The following CHURC1 variants were observed in gnomAD, a reference collection of about 807,000 sequenced individuals.
CHURC1 encodes protein Churchill.
CHURC1 carries 12 observed loss-of-function variants against 15.4 expected under a neutral mutation model. That is an observed-to-expected ratio of 0.78 (90% CI 0.50 to 1.27). The LOEUF (loss-of-function observed/expected upper bound fraction) is 1.27, where lower values mean the gene tolerates loss of function less well. Among genes scored for constraint, CHURC1 ranks in the 50% most tolerant of loss-of-function variants. The pLI is 0.00. For missense variants in CHURC1, 132 were observed against 137.8 expected (o/e 0.96, Z 0.21); for synonymous variants, 42 against 47.5 (o/e 0.88, Z 0.48).
At chr14:64,917,027 G>A (rs900432594) in intron 1 of CHURC1, among the ~76,000 whole-genome samples, 2 of 152,180 alleles carry the variant, frequency 1.3e-5, no homozygotes, top group Non-Finnish European at 2.9e-5. Flanking sequence ...GAATCTTATG[G>A]CTGAATGTTG....
intron 1 of CHURC1, among the ~76,000 whole-genome samples, chr14:64,919,803 G>A (rs1323437349): frequency 6.6e-6 from 1 of 151,916 alleles, no homozygotes; most frequent in Non-Finnish European, 1.5e-5. Flanking sequence ...ACAATCACTT[G>A]AACCCAGGAG....
In CHURC1 at chr14:64,934,758, T is replaced by C. The variant is rs974808923; in HGVS notation, c.*2528T>C. ...GTCCCTTCCTTGAGTTTGCTAATGC[T>C]TCCAACTTAGTCATTTGAAGCCCAA... On this transcript the variant is annotated 3_prime_UTR_variant, in exon 4 of 4. Coordinates refer to ENST00000549115, the MANE Select transcript of CHURC1 (RefSeq NM_001386928.1). 4.1e-6 allele frequency: 4 copies of C among 985,352 alleles called. No individual in the cohort carries two copies. The highest frequency in any genetic ancestry group is 4.8e-6 in the Non-Finnish European group (4 of 829,952). The allele number at this position is 985,352 out of a possible 1,614,324, so 61.0% of individuals were successfully genotyped here. A position where few individuals can be genotyped will look rare whatever the true frequency, so the allele number is the denominator to read the frequency against.
Position 64,933,495 on chromosome 14 carries a change from A to G in CHURC1, c.*1265A>G. The G allele has an allele frequency of 1.0e-6, 1 of 984,910 alleles. No individual in the cohort carries two copies. The highest frequency in any genetic ancestry group is 1.2e-6 in the Non-Finnish European group (1 of 829,412). The allele number at this position is 984,910 out of a possible 1,614,324, so 61.0% of individuals were successfully genotyped here. A position where few individuals can be genotyped will look rare whatever the true frequency, so the allele number is the denominator to read the frequency against. On this transcript the variant is annotated 3_prime_UTR_variant, in exon 4 of 4. Transcript: ENST00000549115. ...CCATTTAGTAGCAGTATAGTCATTAAGCAAAGCATTACTCTGGACTTTATT... is the reference window on the plus strand; with the variant it reads ...CCATTTAGTAGCAGTATAGTCATTAGGCAAAGCATTACTCTGGACTTTATT...
chr14:64,935,363 G>T lies in CHURC1; in HGVS notation c.*3133G>T. ...AATAAAATAAAAAAAAAGGAATTAG[G>T]CAAAACATGGCTCTTCTTTTTACTT... On this transcript the variant is annotated 3_prime_UTR_variant, in exon 4 of 4. Transcript: ENST00000549115. The T allele has an allele frequency of 1.0e-6, 1 of 971,640 alleles. No homozygotes were observed. Among genetic ancestry groups the T allele is most frequent in the Non-Finnish European group, 1.2e-6 (1 of 817,502 alleles). 60.2% of individuals were successfully genotyped at this position (971,640 alleles called of 1,614,324 possible). A position where few individuals can be genotyped will look rare whatever the true frequency, so the allele number is the denominator to read the frequency against.
At chr14:64,918,169 C>T (rs1474697839) in intron 1 of CHURC1, among the ~76,000 whole-genome samples, 1 of 152,178 alleles carries the variant, frequency 6.6e-6, no homozygotes, top group Non-Finnish European at 1.5e-5. Flanking sequence ...GAGTGCCTTT[C>T]AAAGGCACTT....
chr14:64,914,543 C>G lies in CHURC1; in HGVS notation c.39+9C>G. On this transcript the variant is annotated intron_variant, in intron 1 of 3. Coordinates refer to ENST00000549115, the MANE Select transcript of CHURC1 (RefSeq NM_001386928.1). ...AGGAATATCCCAACCGGGTGAGCGA[C>G]TGGGCGCTCCCTTGGCCCGCGGGCG... The G allele has an allele frequency of 6.2e-7, 1 of 1,614,216 alleles. No homozygotes were observed. The highest frequency in any genetic ancestry group is 8.5e-7 in the Non-Finnish European group (1 of 1,180,016).
intron 1 of CHURC1, among the ~76,000 whole-genome samples, chr14:64,916,531 G>T (rs1248413747): frequency 6.6e-6 from 1 of 152,082 alleles, no homozygotes; most frequent in African/African-American, 2.4e-5. Context: ...CATGAGGGAG[G>T]AGTTTGCAGT....
intron 3 of CHURC1, among the ~76,000 whole-genome samples, chr14:64,929,942 C>G (rs1372748822): frequency 6.8e-6 from 1 of 147,748 alleles, no homozygotes; most frequent in Non-Finnish European, 1.5e-5. Context: ...AGCAAAAGCC[C>G]CCCCCCACAC....
At chr14:64,918,356 C>T (rs1884034940) in intron 1 of CHURC1, among the ~76,000 whole-genome samples, 1 of 152,178 alleles carries the variant, frequency 6.6e-6, no homozygotes, top group South Asian at 2.1e-4. Flanking sequence ...ATGAGTAACT[C>T]TTAAAGGAAT....
chr14:64,930,794 TA>T, intron 3 of CHURC1: 1 of 451,558 alleles, frequency 2.2e-6, no homozygotes, highest in Non-Finnish European at 4.4e-6. Context: ...TCTTTTCCTG[TA>T]AAAGGTTGCC....
intron 2 of CHURC1, chr14:64,924,340 C>T (rs757784053): frequency 4.3e-5 from 19 of 444,474 alleles, no homozygotes; most frequent in Non-Finnish European, 5.9e-5. Flanking sequence ...CTAAAGCTTA[C>T]GATTCAGGAA....
intron 3 of CHURC1, chr14:64,930,923 C>T (rs1457850138): frequency 4.5e-6 from 2 of 444,588 alleles, no homozygotes; most frequent in Non-Finnish European, 9.0e-6. Context: ...TTTCCACTGC[C>T]ACAACTAAGC....
chr14:64,924,102 G>A lies in CHURC1; in HGVS notation c.151G>A (p.Gly51Arg). The A allele has an allele frequency of 6.2e-7, 1 of 1,608,468 alleles. No homozygotes were observed. Among genetic ancestry groups the A allele is most frequent in the Non-Finnish European group, 8.5e-7 (1 of 1,176,998 alleles). Residue 51 changes from glycine to arginine, a missense_variant, in exon 2 of 4, where the codon GGA (glycine) becomes AGA (arginine). Physicochemically the swap from Gly to Arg is moderately radical, Grantham distance 125 (BLOSUM62 -2). Transcript: ENST00000549115. ...ITNKSLKEED[G>R]EEIVTYDHLC... ...AAACAAATCCTTGAAAGAAGAAGAT[G>A]GAGAAGAAATAGTTACCTATGATCG...
rs1885279197 is a variant in CHURC1, at chr14:64,935,325, A to C, written c.*3095A>C. On this transcript the variant is annotated 3_prime_UTR_variant, in exon 4 of 4. Coordinates refer to ENST00000549115, the MANE Select transcript of CHURC1 (RefSeq NM_001386928.1). ...ATCGTGCACATGTACCCTAAAACTT[A>C]AAGTATAATAATAATAAAATAAAAA... 1 of 826,460 alleles carries C rather than the reference A, an allele frequency of 1.2e-6. No homozygotes were observed. The highest frequency in any genetic ancestry group is 5.6e-5 in the South Asian group (1 of 17,978). 51.2% of individuals were successfully genotyped at this position (826,460 alleles called of 1,614,324 possible).
intron 2 of CHURC1, 149 bp downstream of exon 2, chr14:64,924,275 A>G (rs1884527299): frequency 2.3e-6 from 2 of 885,802 alleles, no homozygotes; most frequent in African/African-American, 3.5e-5. Flanking sequence ...AATGTCATTA[A>G]CACCTCATTT....
At chr14:64,927,851 T>G (rs1379402440) in intron 3 of CHURC1, among the ~76,000 whole-genome samples, 2 of 151,924 alleles carry the variant, frequency 1.3e-5, no homozygotes, top group African/African-American at 4.8e-5. Flanking sequence ...CAGGAGAATC[T>G]CTTGAGTCCA....
intron 1 of CHURC1, among the ~76,000 whole-genome samples, chr14:64,918,294 G>T (rs1321719287): frequency 6.6e-6 from 1 of 152,132 alleles, no homozygotes; most frequent in African/African-American, 2.4e-5. Context: ...TGGATGTTAC[G>T]GGTCTTAGAC....
intron 1 of CHURC1, among the ~76,000 whole-genome samples, 183 bp downstream of exon 1, chr14:64,914,717 C>T (rs922415817): frequency 5.3e-5 from 8 of 152,226 alleles, no homozygotes; most frequent in Middle Eastern, 3.2e-3. Flanking sequence ...CTGGTACCCG[C>T]CCTGGCGGCT....
At position 64,934,502 on chromosome 14, in the gene CHURC1, G is replaced by A; in HGVS notation, c.*2272G>A. ...GGTTAGGAAGAGGTTAAGAATATCA[G>A]TGACAGTACTCTGAGGCATCTGGGC... On this transcript the variant is annotated 3_prime_UTR_variant, in exon 4 of 4. Coordinates refer to ENST00000549115, the MANE Select transcript of CHURC1 (RefSeq NM_001386928.1). 1 of 985,410 alleles carries A rather than the reference G, an allele frequency of 1.0e-6. No homozygotes were observed. The highest frequency in any genetic ancestry group is 1.2e-6 in the Non-Finnish European group (1 of 829,902). 61.0% of individuals were successfully genotyped at this position (985,410 alleles called of 1,614,324 possible).
Sources: gnomAD v4.1 joint callset for allele counts (sites outside exome capture counted in the v4.1 genomes callset) on GRCh38, gnomAD v4.1.1 for gene constraint, MANE v1.5 for transcripts, NCBI Gene and HGNC (gene_info 2026-07-23, HGNC 2026-07-21) for gene names.